NTNG1: variants seen among roughly 807,000 people sequenced by gnomAD.
The protein encoded by NTNG1 is netrin G1.
A neutral mutation model predicts 54.0 loss-of-function variants in NTNG1; 16 were observed. That is an observed-to-expected ratio of 0.30 (90% confidence interval 0.20 to 0.45). The LOEUF (loss-of-function observed/expected upper bound fraction) is 0.45, where lower values mean the gene tolerates loss of function less well. NTNG1 is among the 20% of genes least tolerant of loss of function. The probability of loss-of-function intolerance (pLI) is 1.00; values close to 1 mark genes in which losing one functional copy is unlikely to be tolerated. For synonymous variants in NTNG1, 255 were observed against 263.1 expected, an observed-to-expected ratio of 0.97 and a Z score of 0.30; for missense variants, 530 against 678.7, an observed-to-expected ratio of 0.78 and a Z score of 2.43.
intron 5 of NTNG1, among the ~76,000 whole-genome samples, chr1:107,423,356 C>T (rs908617076): frequency 1.4e-4 from 21 of 152,122 alleles, no homozygotes; most frequent in African/African-American, 5.1e-4. Context: ...CACATCTAGT[C>T]ATCTAGTCCG....
chr1:107,437,164 C>G (rs1675658551), intron 7 of NTNG1, among the ~76,000 whole-genome samples: 1 of 152,134 alleles, frequency 6.6e-6, no homozygotes. Context: ...CTGAAAGTTA[C>G]CCTAGAGCTC....
chr1:107,376,225 A>G (rs1345526864), intron 3 of NTNG1, among the ~76,000 whole-genome samples: 1 of 151,846 alleles, frequency 6.6e-6, no homozygotes, highest in Non-Finnish European at 1.5e-5. Flanking sequence ...TCGAGACCAC[A>G]GTGAAACCCC....
chr1:107,191,987 G>C (rs925905675), intron 2 of NTNG1, among the ~76,000 whole-genome samples: 1 of 152,024 alleles, frequency 6.6e-6, no homozygotes, highest in Non-Finnish European at 1.5e-5. Context: ...AGCTTGATGG[G>C]GATGGCATTG....
intron 2 of NTNG1, among the ~76,000 whole-genome samples, chr1:107,262,354 G>C (rs1376097882): frequency 6.6e-6 from 1 of 152,056 alleles, no homozygotes; most frequent in Non-Finnish European, 1.5e-5. Flanking sequence ...GGGAGAAGAG[G>C]GCAGTAGAAA....
intron 7 of NTNG1, among the ~76,000 whole-genome samples, chr1:107,472,149 T>C (rs953286305): frequency 1.2e-4 from 18 of 152,284 alleles, no homozygotes; most frequent in African/African-American, 4.3e-4. Flanking sequence ...TACTACCTCA[T>C]GCTTTTAGTG....
chr1:107,476,041 A>C (rs1261736062), intron 7 of NTNG1, among the ~76,000 whole-genome samples: 1 of 152,260 alleles, frequency 6.6e-6, no homozygotes, highest in Non-Finnish European at 1.5e-5. Flanking sequence ...TGACAGAGTC[A>C]ATCAAGAACA....
At chr1:107,264,265 G>A (rs1663582462) in intron 2 of NTNG1, among the ~76,000 whole-genome samples, 1 of 152,050 alleles carries the variant, frequency 6.6e-6, no homozygotes, top group Admixed American at 6.5e-5. Context: ...GCTCTTTAAG[G>A]TGACAGTGAG....
intron 2 of NTNG1, among the ~76,000 whole-genome samples, chr1:107,230,200 A>G (rs1219205430): frequency 6.6e-6 from 1 of 152,204 alleles, no homozygotes; most frequent in Non-Finnish European, 1.5e-5. Context: ...ACTTATAATA[A>G]TTATGAAAGC....
upstream of NTNG1, among the ~76,000 whole-genome samples, chr1:107,140,454 T>A (rs1295212694): frequency 6.6e-6 from 1 of 151,948 alleles, no homozygotes; most frequent in Non-Finnish European, 1.5e-5. Context: ...GGAGCCGCAA[T>A]CCAGAAGCGT....
chr1:107,210,569 G>C (rs1350712801), intron 2 of NTNG1, among the ~76,000 whole-genome samples: 1 of 152,152 alleles, frequency 6.6e-6, no homozygotes, highest in African/African-American at 2.4e-5. Flanking sequence ...AGCTATCCAA[G>C]TCACCGCCAG....
chr1:107,447,616 G>T (rs761304070), intron 7 of NTNG1, among the ~76,000 whole-genome samples: 2 of 152,098 alleles, frequency 1.3e-5, no homozygotes, highest in Admixed American at 6.6e-5. Flanking sequence ...AATAAAGACT[G>T]TCCAGGGTCT....
intron 2 of NTNG1, among the ~76,000 whole-genome samples, chr1:107,321,305 T>C (rs2101869233): frequency 6.6e-6 from 1 of 152,220 alleles, no homozygotes; most frequent in Non-Finnish European, 1.5e-5. Flanking sequence ...AACACATTGT[T>C]GCATGTATGA....
At chr1:107,279,562 G>GCA (rs1357198653) in intron 2 of NTNG1, among the ~76,000 whole-genome samples, 5 of 152,240 alleles carry the variant, frequency 3.3e-5, no homozygotes, top group Non-Finnish European at 7.4e-5. Flanking sequence ...TTCTGTTCCT[G>GCA]TAGAATGGCC....
In NTNG1 at chr1:107,482,148, G is replaced by A. The variant is rs1678766440; in HGVS notation, c.*1308G>A. 1 of 147,974 alleles carries A rather than the reference G, an allele frequency of 6.8e-6. No homozygotes were observed. Among genetic ancestry groups the A allele is most frequent in the Non-Finnish European group, 1.5e-5 (1 of 67,340 alleles). The allele number at this position is 147,974 out of a possible 1,614,324, so 9.2% of individuals were successfully genotyped here. ...AGTACTAAGAGACTTTTATTTTTAA[G>A]TCATGCTATTTTCACAGATTGATGG... is the stretch of plus-strand genomic sequence containing the variant. On this transcript the variant is annotated 3_prime_UTR_variant, in exon 8 of 8. Transcript: ENST00000370068.
intron 2 of NTNG1, among the ~76,000 whole-genome samples, chr1:107,193,847 C>T (rs1039353738): frequency 2.0e-5 from 3 of 151,578 alleles, no homozygotes; most frequent in Admixed American, 1.3e-4. Context: ...TTTTTTCTTC[C>T]TTCCTTCTTC....
At chr1:107,226,501 C>T (rs1265246647) in intron 2 of NTNG1, among the ~76,000 whole-genome samples, 1 of 152,074 alleles carries the variant, frequency 6.6e-6, no homozygotes, top group African/African-American at 2.4e-5. Flanking sequence ...AGGGCAATCG[C>T]ATGCAGACAA....
At chr1:107,389,838 C>T (rs1018176245) in intron 3 of NTNG1, among the ~76,000 whole-genome samples, 2 of 152,128 alleles carry the variant, frequency 1.3e-5, no homozygotes, top group Non-Finnish European at 2.9e-5. Context: ...TCGGTCTCCA[C>T]TTGTCCAGTC....
intron 3 of NTNG1, among the ~76,000 whole-genome samples, chr1:107,331,733 A>G (rs2101898350): frequency 6.6e-6 from 1 of 152,224 alleles, no homozygotes; most frequent in East Asian, 1.9e-4. Context: ...AAGTGAGGGC[A>G]ATATGTTTTT....
chr1:107,366,731 A>G (rs1304223450), intron 3 of NTNG1, among the ~76,000 whole-genome samples: 3 of 152,232 alleles, frequency 2.0e-5, no homozygotes, highest in Admixed American at 6.5e-5. Context: ...TAACTCATCT[A>G]TTAGGGATGT....
Sources: allele counts gnomAD v4.1 joint callset (sites outside exome capture counted in the v4.1 genomes callset), GRCh38; gene constraint gnomAD v4.1.1; transcripts MANE v1.5; gene names NCBI Gene and HGNC (gene_info 2026-07-23, HGNC 2026-07-21).